Variants in MS4A1 observed in about 807,000 individuals in gnomAD.
MS4A1 encodes B-lymphocyte antigen CD20.
Under a neutral mutation model 26.5 loss-of-function variants are expected in MS4A1, and 16 were observed. The ratio of observed to expected loss-of-function variants is 0.60; its 90% confidence interval spans 0.41 to 0.92. The LOEUF (loss-of-function observed/expected upper bound fraction) is 0.92, where lower values mean the gene tolerates loss of function less well. Among genes scored for constraint, MS4A1 ranks in the 40% least tolerant of loss-of-function variants. The pLI is 0.00. For missense variants in MS4A1, 350 were observed against 353.0 expected (o/e 0.99, Z 0.07); for synonymous variants, 128 against 117.6 (o/e 1.09, Z -0.57).
At chr11:60,458,860 AAAAAC>A (rs928417515) in intron 1 of MS4A1, among the ~76,000 whole-genome samples, 68 of 152,236 alleles carry the variant, frequency 4.5e-4, no homozygotes, top group African/African-American at 1.6e-3. Flanking sequence ...TAAGAAATAA[AAAAAC>A]AGAGAAAGCA....
chr11:60,470,395 T>A lies in MS4A1; in HGVS notation c.*1927T>A, dbSNP rs1197955500. 6.6e-6 allele frequency: 1 copy of A among 152,052 alleles called. No individual in the cohort carries two copies. The highest frequency in any genetic ancestry group is 2.4e-5 in the African/African-American group (1 of 41,426). 9.4% of individuals were successfully genotyped at this position (152,052 alleles called of 1,614,324 possible). ...AATACAAGATCTTATTTCTATCTTATTTTTTCTCCTCTTCTGAAATATATA... is the reference window on the plus strand; with the variant it reads ...AATACAAGATCTTATTTCTATCTTAATTTTTCTCCTCTTCTGAAATATATA... On this transcript the variant is annotated 3_prime_UTR_variant, in exon 8 of 8. Transcript: ENST00000345732.
At chr11:60,458,953 G>T (rs1590842582) in intron 1 of MS4A1, among the ~76,000 whole-genome samples, 1 of 151,818 alleles carries the variant, frequency 6.6e-6, no homozygotes, top group South Asian at 2.1e-4. Context: ...GCCACCATGA[G>T]ATACCATTTT....
Position 60,468,329 on chromosome 11 carries a change from CA to C in MS4A1, c.756del (p.Ser253LeufsTer39). On this transcript the variant is annotated frameshift_variant, in exon 8 of 8. Coordinates refer to ENST00000345732, the MANE Select transcript of MS4A1 (RefSeq NM_152866.3). LOFTEE classifies it high-confidence loss of function. Reference sequence around the variant, plus strand: ...GAAGAAGTGGTTGGGCTAACTGAAACATCTTCCCAACCAAAGAATGAAGAAG... The same window carrying C: ...GAAGAAGTGGTTGGGCTAACTGAAACTCTTCCCAACCAAAGAATGAAGAAG... ...IKEEVVGLTE[T>X]SSQPKNEEDI... The C allele has an allele frequency of 6.2e-7, 1 of 1,613,902 alleles. No individual in the cohort carries two copies. Among genetic ancestry groups the C allele is most frequent in the South Asian group, 1.1e-5 (1 of 91,046 alleles).
chr11:60,464,104 G>A (rs1407048131), intron 4 of MS4A1, 184 bp from the exon 5 acceptor site: 2 of 610,214 alleles, frequency 3.3e-6, no homozygotes, highest in Non-Finnish European at 5.9e-6. Flanking sequence ...CCTGAATAAA[G>A]GAGGAATATG....
At chr11:60,465,880 GGAAAT>G in intron 5 of MS4A1, 36 bp from the exon 6 acceptor site, 1 of 1,504,714 alleles carries the variant, frequency 6.6e-7, no homozygotes, top group South Asian at 1.1e-5. Flanking sequence ...TTTTCCAAAG[GGAAAT>G]CAAACCCAAT....
At chr11:60,458,771 A>T (rs1263449667) in intron 1 of MS4A1, among the ~76,000 whole-genome samples, 1 of 152,242 alleles carries the variant, frequency 6.6e-6, no homozygotes, top group East Asian at 1.9e-4. Context: ...ACAATGCCAT[A>T]AATCGATTAA....
At chr11:60,457,957 G>A (rs1198540327) in intron 1 of MS4A1, 1 of 152,206 alleles carries the variant, frequency 6.6e-6, no homozygotes, top group African/African-American at 2.4e-5. Flanking sequence ...GTCATAAAAG[G>A]AGTATTTAGC....
Position 60,463,031 on chromosome 11 carries a change from C to T in MS4A1, c.189C>T (p.His63=). 1.2e-6 allele frequency: 2 copies of T among 1,614,134 alleles called. No homozygotes were observed. Among genetic ancestry groups the T allele is most frequent in the South Asian group, 2.2e-5 (2 of 91,080 alleles). Residue 63 remains histidine (H), a synonymous_variant, in exon 4 of 8, where the codon CAC becomes CAT. Coordinates refer to ENST00000345732, the MANE Select transcript of MS4A1 (RefSeq NM_152866.3). ...GAVQIMNGLF[H]IALGGLLMIP... ...TCCAGATTATGAATGGGCTCTTCCA[C>T]ATTGCCCTGGGGGGTCTTCTGATGA...
chr11:60,464,291 A>G lies in MS4A1; in HGVS notation c.283A>G (p.Ile95Val), dbSNP rs2086272589. 6.4e-7 allele frequency: 1 copy of G among 1,565,426 alleles called. No homozygotes were observed. Among genetic ancestry groups the G allele is most frequent in the Non-Finnish European group, 8.7e-7 (1 of 1,153,086 alleles). The change falls in exon 5 of 8, where the codon ATT (isoleucine) becomes GTT (valine). Residue 95 changes from isoleucine (I) to valine (V), a missense_variant. Transcript: ENST00000345732. The part of the protein sequence containing the change: ...WYPLWGGIMY[I>V]ISGSLLAATE... ...CCCCCACCTCTCTTTTTTACAGTAT[A>G]TTATTTCCGGATCACTCCTGGCAGC...
At chr11:60,466,286 A>G in intron 6 of MS4A1, 129 bp downstream of exon 6, 1 of 814,310 alleles carries the variant, frequency 1.2e-6, no homozygotes, top group Admixed American at 1.7e-5. Flanking sequence ...GGCTTTGGGA[A>G]AGAATTTTAA....
rs543598540 is a variant in MS4A1 at position 60,467,350 on chromosome 11, C to A, written c.675+290C>A. 2.0e-5 allele frequency among the ~76,000 whole-genome samples: 3 copies of A among 150,988 alleles called. No homozygotes were observed. In the South Asian group the frequency reaches 6.3e-4, roughly 32 times the overall value. On this transcript the variant is annotated intron_variant, in intron 7 of 7. Coordinates refer to ENST00000345732, the MANE Select transcript of MS4A1 (RefSeq NM_152866.3). ...TAGAGTGCAATGGCGCGATCTTGGC[C>A]CAGTGCAACCTCTGCCTCCGGGTTC... is the stretch of plus-strand genomic sequence containing the variant.
intron 1 of MS4A1, among the ~76,000 whole-genome samples, chr11:60,460,842 C>T (rs2086241946): frequency 6.6e-6 from 1 of 151,774 alleles, no homozygotes; most frequent in Non-Finnish European, 1.5e-5. Context: ...ACTACACTCT[C>T]CCTTTGTCCT....
chr11:60,469,982 T>A lies in MS4A1; in HGVS notation c.*1514T>A, dbSNP rs1005062755. 1.3e-5 allele frequency: 2 copies of A among 152,100 alleles called. No homozygotes were observed. The highest frequency in any genetic ancestry group is 4.8e-5 in the African/African-American group (2 of 41,446). The allele number at this position is 152,100 out of a possible 1,614,324, so 9.4% of individuals were successfully genotyped here. A position where few individuals can be genotyped will look rare whatever the true frequency, so the allele number is the denominator to read the frequency against. On this transcript the variant is annotated 3_prime_UTR_variant, in exon 8 of 8. Transcript: ENST00000345732. ...TCCCCAAAATTAGAAAAAAAGGAGA[T>A]AGAAGATTTCTGTCTATGTAAAGTT...
chr11:60,464,242 G>C, intron 4 of MS4A1, 46 bp from the exon 5 acceptor site: 1 of 1,390,476 alleles, frequency 7.2e-7, no homozygotes, highest in Non-Finnish European at 1.0e-6. Context: ...TCTATCTCCT[G>C]TCTTGCCCAC....
Position 60,465,964 on chromosome 11 carries a change from C to A in MS4A1, c.380C>A (p.Ala127Asp). 6.2e-7 allele frequency: 1 copy of A among 1,613,834 alleles called. No individual in the cohort carries two copies. The highest frequency in any genetic ancestry group is 8.5e-7 in the Non-Finnish European group (1 of 1,179,838). Reference sequence around the variant, plus strand: ...ATGAATTCATTGAGCCTCTTTGCTGCCATTTCTGGAATGATTCTTTCAATC... The same window carrying A: ...ATGAATTCATTGAGCCTCTTTGCTGACATTTCTGGAATGATTCTTTCAATC... ...MIMNSLSLFA[A>D]ISGMILSIMD... Residue 127 changes from alanine (A) to aspartate (D), a missense_variant, in exon 6 of 8, where the codon GCC (alanine) becomes GAC (aspartate). Coordinates refer to ENST00000345732, the MANE Select transcript of MS4A1 (RefSeq NM_152866.3).
Position 60,469,323 on chromosome 11 carries a change from C to G in MS4A1, c.*855C>G, listed in dbSNP as rs1465472971. 6.6e-6 allele frequency: 1 copy of G among 152,146 alleles called. No homozygotes were observed. Among genetic ancestry groups the G allele is most frequent in the Non-Finnish European group, 1.5e-5 (1 of 67,998 alleles). 9.4% of individuals were successfully genotyped at this position (152,146 alleles called of 1,614,324 possible). On this transcript the variant is annotated 3_prime_UTR_variant, in exon 8 of 8. Coordinates refer to ENST00000345732, the MANE Select transcript of MS4A1 (RefSeq NM_152866.3). ...CATGATCAAGAAAGAATCCCTATCT[C>G]TATTTTACAAGTAATTCAAAGAGGC...
intron 7 of MS4A1, among the ~76,000 whole-genome samples, chr11:60,467,277 CTTTTTTTTTT>C (rs201750543): frequency 7.4e-6 from 1 of 134,548 alleles, no homozygotes; most frequent in East Asian, 2.1e-4. Flanking sequence ...TTCTGTGCGT[CTTTTTTTTTT>C]TTTTTTTTGA....
rs2135197141 is a variant in MS4A1, at chr11:60,462,403, G to A, written c.29G>A (p.Gly10Glu). The A allele has an allele frequency of 6.2e-7, 1 of 1,614,096 alleles. No individual in the cohort carries two copies. The highest frequency in any genetic ancestry group is 8.5e-7 in the Non-Finnish European group (1 of 1,180,018). MTTPRNSVN[G>E]TFPAEPMKGP... ...ACAACACCCAGAAATTCAGTAAATGGGACTTTCCCGGCAGAGCCAATGAAA... is the reference window on the plus strand; with the variant it reads ...ACAACACCCAGAAATTCAGTAAATGAGACTTTCCCGGCAGAGCCAATGAAA... The change falls in exon 3 of 8, where the codon GGG becomes GAG. Residue 10 changes from glycine (G) to glutamate (E), a missense_variant. Transcript: ENST00000345732.
chr11:60,463,973 A>T (rs964165245), intron 4 of MS4A1: 1 of 424,290 alleles, frequency 2.4e-6, no homozygotes, highest in Non-Finnish European at 4.4e-6. Flanking sequence ...AAAACTTTTA[A>T]ATTTATGGTA....
Sources: gnomAD v4.1 joint callset for allele counts (sites outside exome capture counted in the v4.1 genomes callset) on GRCh38, gnomAD v4.1.1 for gene constraint, MANE v1.5 for transcripts, NCBI Gene and HGNC (gene_info 2026-07-23, HGNC 2026-07-21) for gene names.